Variants in AOAH observed in about 807,000 individuals in gnomAD.
AOAH encodes acyloxyacyl hydrolase (neutrophil).
A neutral mutation model predicts 92.2 loss-of-function variants in AOAH; 64 were observed. The ratio of observed to expected loss-of-function variants is 0.69; its 90% CI spans 0.57 to 0.86. The LOEUF is 0.86. AOAH is among the 40% of genes least tolerant of loss of function. The pLI, the probability that AOAH is intolerant of heterozygous loss-of-function variation, is 0.00. For missense variants in AOAH, 656 were observed against 694.6 expected (o/e 0.94, Z 0.62); for synonymous variants, 263 against 254.5 (o/e 1.03, Z -0.32).
At chr7:36,696,905 C>A (rs931751725) in intron 1 of AOAH, among the ~76,000 whole-genome samples, 1 of 151,906 alleles carries the variant, frequency 6.6e-6, no homozygotes, top group African/African-American at 2.4e-5. Flanking sequence ...AATTTTGAAT[C>A]CTGCTAAACT....
At chr7:36,535,272 T>C (rs1418158841) in intron 16 of AOAH, among the ~76,000 whole-genome samples, 1 of 152,192 alleles carries the variant, frequency 6.6e-6, no homozygotes, top group East Asian at 1.9e-4. Flanking sequence ...CTTCCCTAGC[T>C]GGCTTAGTGA....
intron 3 of AOAH, among the ~76,000 whole-genome samples, chr7:36,668,193 TTGTG>T (rs113575872): frequency 2.0e-5 from 3 of 151,740 alleles, no homozygotes; most frequent in African/African-American, 7.3e-5. Flanking sequence ...TGAGAGGTTT[TTGTG>T]TGTGTGTGTG....
intron 4 of AOAH, among the ~76,000 whole-genome samples, chr7:36,645,796 G>A (rs1044010422): frequency 6.6e-6 from 1 of 150,984 alleles, no homozygotes; most frequent in Non-Finnish European, 1.5e-5. Context: ...AAAAAAAAAA[G>A]GGTAAAAGTA....
intron 1 of AOAH, among the ~76,000 whole-genome samples, chr7:36,715,722 G>C (rs1233081283): frequency 2.1e-5 from 3 of 143,792 alleles, no homozygotes; most frequent in African/African-American, 7.7e-5. Context: ...CAGGCAATGG[G>C]GAAAGGATTC....
chr7:36,682,084 G>A (rs1796682445), intron 2 of AOAH, among the ~76,000 whole-genome samples: 1 of 152,222 alleles, frequency 6.6e-6, no homozygotes, highest in Non-Finnish European at 1.5e-5. Flanking sequence ...GCCACTGGAC[G>A]GGGAGGGGTT....
chr7:36,722,691 T>G (rs1387583373), intron 1 of AOAH, among the ~76,000 whole-genome samples: 3 of 145,254 alleles, frequency 2.1e-5, no homozygotes, highest in Non-Finnish European at 3.0e-5. Context: ...ATCCCAGCAC[T>G]TTGGGAGCCA....
chr7:36,701,605 A>G (rs1798041094), intron 1 of AOAH, among the ~76,000 whole-genome samples: 1 of 151,652 alleles, frequency 6.6e-6, no homozygotes, highest in Non-Finnish European at 1.5e-5. Flanking sequence ...TGGTACTAAT[A>G]TATTTATCCC....
chr7:36,697,313 C>T (rs1290706514), intron 1 of AOAH, among the ~76,000 whole-genome samples: 1 of 152,064 alleles, frequency 6.6e-6, no homozygotes, highest in South Asian at 2.1e-4. Context: ...GTAATTGTGG[C>T]CTCTATTATA....
At chr7:36,720,218 C>T (rs1041182069) in intron 1 of AOAH, among the ~76,000 whole-genome samples, 4 of 151,836 alleles carry the variant, frequency 2.6e-5, no homozygotes, top group East Asian at 1.9e-4. Context: ...GATGTGATCT[C>T]GGCTCACTGC....
At chr7:36,677,160 G>A (rs756848896) in intron 2 of AOAH, among the ~76,000 whole-genome samples, 1 of 152,004 alleles carries the variant, frequency 6.6e-6, no homozygotes, top group Non-Finnish European at 1.5e-5. Flanking sequence ...CCCACAGAAT[G>A]GGAGAAAATT....
chr7:36,577,688 A>T (rs1049534223), intron 12 of AOAH, among the ~76,000 whole-genome samples: 4 of 152,182 alleles, frequency 2.6e-5, no homozygotes, highest in Non-Finnish European at 2.9e-5. Context: ...AAGTAGTTTA[A>T]TTAATGCAAC....
intron 20 of AOAH, among the ~76,000 whole-genome samples, chr7:36,517,947 A>ACACACACC (rs1415500981): frequency 3.2e-5 from 2 of 63,224 alleles, no homozygotes; most frequent in Non-Finnish European, 7.6e-5. Flanking sequence ...ACACACACCC[A>ACACACACC]CACACACACA....
intron 1 of AOAH, among the ~76,000 whole-genome samples, chr7:36,694,940 G>A (rs1797623655): frequency 9.6e-6 from 1 of 103,950 alleles, no homozygotes; most frequent in Non-Finnish European, 2.0e-5. Context: ...TAGGGAGAGA[G>A]GGAGAGAAAG....
intron 4 of AOAH, among the ~76,000 whole-genome samples, chr7:36,645,552 G>T (rs1306586395): frequency 3.9e-5 from 6 of 152,112 alleles, no homozygotes; most frequent in Admixed American, 3.3e-4. Flanking sequence ...CTGCTTACGG[G>T]TTTTTATCAA....
At chr7:36,698,555 T>C (rs901258228) in intron 1 of AOAH, among the ~76,000 whole-genome samples, 1 of 152,116 alleles carries the variant, frequency 6.6e-6, no homozygotes, top group Non-Finnish European at 1.5e-5. Context: ...AATATGTGTT[T>C]AAAGTTATAA....
chr7:36,534,958 C>CTG (rs141453759), intron 16 of AOAH, among the ~76,000 whole-genome samples: 1 of 148,252 alleles, frequency 6.7e-6, no homozygotes, highest in African/African-American at 2.5e-5. Flanking sequence ...GTGTGTGTAT[C>CTG]TGTGTCTGTG....
At chr7:36,590,414 A>G (rs1459574154) in intron 12 of AOAH, among the ~76,000 whole-genome samples, 1 of 152,146 alleles carries the variant, frequency 6.6e-6, no homozygotes, top group Non-Finnish European at 1.5e-5. Context: ...CTGAAGCCCA[A>G]GAGTCAAGAA....
intron 1 of AOAH, among the ~76,000 whole-genome samples, chr7:36,700,590 CACTT>C (rs1173390831): frequency 6.6e-6 from 1 of 152,044 alleles, no homozygotes; most frequent in Admixed American, 6.6e-5. Context: ...CATTGATGGA[CACTT>C]AATTAATTCC....
At chr7:36,690,861 C>A (rs1334157634) in intron 1 of AOAH, among the ~76,000 whole-genome samples, 3 of 152,162 alleles carry the variant, frequency 2.0e-5, no homozygotes, top group African/African-American at 7.2e-5. Flanking sequence ...TCACATCTGG[C>A]CACATACCTC....
Sources: gnomAD v4.1 joint callset for allele counts (sites outside exome capture counted in the v4.1 genomes callset) on GRCh38, gnomAD v4.1.1 for gene constraint, MANE v1.5 for transcripts, NCBI Gene and HGNC (gene_info 2026-07-23, HGNC 2026-07-21) for gene names.